The following XPO7 variants were observed in gnomAD, a reference collection of about 807,000 sequenced individuals.
XPO7 encodes the protein exportin-7.
Under a neutral mutation model 144.3 loss-of-function variants are expected in XPO7, and 21 were observed. The ratio of observed to expected loss-of-function variants is 0.15; its 90% CI spans 0.10 to 0.21. XPO7 has a LOEUF of 0.21. XPO7 is among the 10% of genes least tolerant of loss of function. The pLI is 1.00. For synonymous variants in XPO7, 580 were observed against 499.6 expected (o/e 1.16, Z -2.15); for missense variants, 808 against 1,325.8 (o/e 0.61, Z 6.06).
rs572655125 is a variant in XPO7 at position 21,977,578 on chromosome 8, C to G, written c.764-192C>G. Among the ~76,000 whole-genome samples, 490 of 152,238 alleles carry G rather than the reference C, an allele frequency of 3.2e-3. 5 individuals carry two copies. Among genetic ancestry groups the G allele is most frequent in the Non-Finnish European group, 5.0e-3 (337 of 68,006 alleles). On this transcript the variant is annotated intron_variant, in intron 7 of 27. Transcript: ENST00000252512. ...CCAGCCTGGGCTACAGAGGGAGACT[C>G]CGTCTCAAAAAAAAGAGAAAAGAAA...
rs1422133670 is a variant in XPO7, at chr8:21,998,840, A to G, written c.2428+3A>G. 1 of 1,613,796 alleles carries G rather than the reference A, an allele frequency of 6.2e-7. No homozygotes were observed. The highest frequency in any genetic ancestry group is 8.5e-7 in the Non-Finnish European group (1 of 1,179,708). On this transcript the variant is annotated splice_donor_region_variant and intron_variant, in intron 22 of 27. Transcript: ENST00000252512. ...CAGCAAGATGATAACAATGTATGGT[A>G]AGTGCTTCAGATAATCATGCCTCTA...
chr8:21,974,695 A>C lies in XPO7; in HGVS notation c.518A>C (p.Lys173Thr), dbSNP rs1247710079. Residue 173 changes from lysine to threonine, a missense_variant, in exon 6 of 28, where the codon AAG becomes ACG. Around this residue, in one of 5 missense-constraint regions of XPO7, gnomAD observed 223 missense variants for 368.8 expected, o/e 0.60. Transcript: ENST00000252512. ...NQADTTHPLT[K>T]HRKIASSFRD... ...GCAGACACCACCCATCCTTTAACCAAGCACAGAAAAATAGCCTCTTCTTTT... is the reference window on the plus strand; with the variant it reads ...GCAGACACCACCCATCCTTTAACCACGCACAGAAAAATAGCCTCTTCTTTT... The C allele has an allele frequency of 1.3e-6, 2 of 1,593,824 alleles. No homozygotes were observed. Among genetic ancestry groups the C allele is most frequent in the Non-Finnish European group, 1.7e-6 (2 of 1,169,614 alleles).
At chr8:21,994,641 A>G (rs1174127327) in intron 20 of XPO7, among the ~76,000 whole-genome samples, 190 bp downstream of exon 20, 1 of 152,206 alleles carries the variant, frequency 6.6e-6, no homozygotes, top group East Asian at 1.9e-4. Context: ...AGATTAGAAC[A>G]TGAATGAAGT....
intron 1 of XPO7, among the ~76,000 whole-genome samples, chr8:21,931,975 C>T (rs1200723814): frequency 6.6e-6 from 1 of 152,094 alleles, no homozygotes; most frequent in Non-Finnish European, 1.5e-5. Flanking sequence ...TGGGTTCAAG[C>T]GATTTTCCTG....
chr8:21,943,597 A>G (rs1811064894), intron 1 of XPO7, among the ~76,000 whole-genome samples: 1 of 152,154 alleles, frequency 6.6e-6, no homozygotes, highest in African/African-American at 2.4e-5. Flanking sequence ...AACATTCCTT[A>G]TTTCCTTCCC....
rs1203822747 is a variant in XPO7, at chr8:21,969,519, A to T, written c.202A>T (p.Thr68Ser). 1 of 1,613,828 alleles carries T rather than the reference A, an allele frequency of 6.2e-7. No homozygotes were observed. Among genetic ancestry groups the T allele is most frequent in the Non-Finnish European group, 8.5e-7 (1 of 1,179,798 alleles). Residue 68 changes from threonine (T) to serine (S), a missense_variant, in exon 3 of 28, where the codon ACC becomes TCC. By Grantham distance (58) the Thr-to-Ser change is moderately conservative. Coordinates refer to ENST00000252512, the MANE Select transcript of XPO7 (RefSeq NM_015024.5). ...YSQLLAATCL[T>S]KLVSRTNNPL... The stretch of plus-strand genomic sequence containing the variant: ...CCAGTTACTGGCAGCTACATGCCTT[A>T]CCAAGCTTGTATCACGCACAAACAA...
chr8:21,925,079 C>G (rs1054038271), intron 1 of XPO7, among the ~76,000 whole-genome samples: 6 of 152,230 alleles, frequency 3.9e-5, no homozygotes, highest in African/African-American at 1.4e-4. Context: ...GGGGCAGTCA[C>G]TACCCCGTTA....
In XPO7 at chr8:22,006,335, A is replaced by T. The variant is rs746143499; in HGVS notation, c.*1247A>T. The T allele has an allele frequency of 6.6e-6, 1 of 152,152 alleles. No homozygotes were observed. Among genetic ancestry groups the T allele is most frequent in the Non-Finnish European group, 1.5e-5 (1 of 68,030 alleles). 9.4% of individuals were successfully genotyped at this position (152,152 alleles called of 1,614,324 possible). A position where few individuals can be genotyped will look rare whatever the true frequency, so the allele number is the denominator to read the frequency against. On this transcript the variant is annotated 3_prime_UTR_variant, in exon 28 of 28. Coordinates refer to ENST00000252512, the MANE Select transcript of XPO7 (RefSeq NM_015024.5). The stretch of plus-strand genomic sequence containing the variant: ...CAGCTATTTGCCTTGTACTTTTTCC[A>T]CAATTGTTGCTGCTAGTTGTACACA...
At chr8:21,947,533 C>G (rs981832260) in intron 1 of XPO7, among the ~76,000 whole-genome samples, 7 of 152,048 alleles carry the variant, frequency 4.6e-5, no homozygotes, top group African/African-American at 1.7e-4. Context: ...CACCACTACC[C>G]CTGCAACATA....
intron 24 of XPO7, 144 bp from the exon 25 acceptor site, chr8:22,001,968 T>C (rs1367804038): frequency 1.2e-5 from 10 of 849,864 alleles, no homozygotes; most frequent in Non-Finnish European, 1.8e-5. Context: ...TACAATGAGG[T>C]TAAGAGGTTA....
At position 22,005,398 on chromosome 8, in the gene XPO7, C is replaced by T; in HGVS notation, c.*310C>T. The stretch of plus-strand genomic sequence containing the variant: ...GGGGAGAACCCCTAGTGTCCTGCCA[C>T]AACCTGCCTTGTATAAACATGTACA... On this transcript the variant is annotated 3_prime_UTR_variant, in exon 28 of 28. Transcript: ENST00000252512. The T allele has an allele frequency of 4.0e-6, 1 of 250,620 alleles. No homozygotes were observed. The highest frequency in any genetic ancestry group is 7.4e-5 in the East Asian group (1 of 13,594). 15.5% of individuals were successfully genotyped at this position (250,620 alleles called of 1,614,324 possible).
chr8:21,930,227 A>G (rs182766327), intron 1 of XPO7, among the ~76,000 whole-genome samples: 2 of 152,360 alleles, frequency 1.3e-5, no homozygotes, highest in African/African-American at 4.8e-5. Flanking sequence ...GAATGGTATT[A>G]TCCTTCTGGT....
chr8:21,941,133 C>CTTTTTTTTTT (rs34622488), intron 1 of XPO7, among the ~76,000 whole-genome samples: 2 of 145,440 alleles, frequency 1.4e-5, no homozygotes, highest in Non-Finnish European at 1.5e-5. Flanking sequence ...CTCCTATATG[C>CTTTTTTTTTT]TTTTTTTTTT....
At position 21,919,803 on chromosome 8, in the gene XPO7, G is replaced by C. The variant is rs1010579701; in HGVS notation, c.18+15G>C. ...ATCATGTGCAGGTGAGAGGAGCCGC[G>C]GGGGGGAGGGGGCGACCACGAAGAG... On this transcript the variant is annotated intron_variant, in intron 1 of 27. Transcript: ENST00000252512. The C allele has an allele frequency of 3.6e-5, 17 of 477,112 alleles. No homozygotes were observed. Among genetic ancestry groups the C allele is most frequent in the Middle Eastern group, 1.5e-3 (2 of 1,340 alleles). 29.6% of individuals were successfully genotyped at this position (477,112 alleles called of 1,614,324 possible).
chr8:21,921,597 A>G (rs1022252638), intron 1 of XPO7: 4 of 152,346 alleles, frequency 2.6e-5, no homozygotes, highest in East Asian at 1.9e-4. Flanking sequence ...CATCAAAGCA[A>G]TCTTCACAGC....
Position 21,990,344 on chromosome 8 carries a change from G to C in XPO7, c.1869G>C (p.Gly623=), listed in dbSNP as rs56062629. 0.084 allele frequency: 135,820 copies of C among 1,612,868 alleles called. 6,560 individuals are homozygous for C. The highest frequency in any genetic ancestry group is 0.13 in the Middle Eastern group (817 of 6,056). The change falls in exon 17 of 28, where the codon GGG becomes GGC. Residue 623 remains glycine, a splice_region_variant and synonymous_variant. Transcript: ENST00000252512. ...CTTGACCTTCTTCCTTTGTCTTCAC[G>C]TACAGTAGCGTAAGGAAGCTAGTGA... ...TLQLLNDLSI[G]YSSVRKLVKL...
At position 21,999,231 on chromosome 8, in the gene XPO7, G is replaced by A. The variant is rs1409165499; in HGVS notation, c.2569G>A (p.Gly857Arg). 3 of 1,613,732 alleles carry A rather than the reference G, an allele frequency of 1.9e-6. No individual in the cohort carries two copies. In the African/African-American group the frequency reaches 4.0e-5, roughly 22 times the overall value. Residue 857 changes from glycine to arginine, a missense_variant, in exon 23 of 28, where the codon GGA becomes AGA. By Grantham distance (125) the Gly-to-Arg change is moderately radical. Around this residue, in one of 5 missense-constraint regions of XPO7, gnomAD observed 416 missense variants for 612.5 expected, o/e 0.68. Transcript: ENST00000252512. ...CAATTTCGGAGTCTTTCGTCTCTAT[G>A]GAGACGATGCCCTGGACAATGCTCT... ...YVNFGVFRLY[G>R]DDALDNALQT...
intron 21 of XPO7, among the ~76,000 whole-genome samples, chr8:21,995,856 C>A (rs969679424): frequency 6.6e-6 from 1 of 152,046 alleles, no homozygotes; most frequent in African/African-American, 2.4e-5. Flanking sequence ...TTGCTGTCTC[C>A]CAGGCTGGAG....
chr8:21,943,075 G>C (rs1279742620), intron 1 of XPO7, among the ~76,000 whole-genome samples: 1 of 152,112 alleles, frequency 6.6e-6, no homozygotes, highest in Non-Finnish European at 1.5e-5. Flanking sequence ...TAATGTCTTG[G>C]TATTGCTATG....
Sources: allele counts gnomAD v4.1 joint callset (sites outside exome capture counted in the v4.1 genomes callset), GRCh38; gene constraint gnomAD v4.1.1; regional missense constraint gnomAD v4.1.1; transcripts MANE v1.5; gene names NCBI Gene and HGNC (gene_info 2026-07-23, HGNC 2026-07-21).